The following GP2 variants were observed in gnomAD, a reference collection of about 807,000 sequenced individuals.
The protein encoded by GP2 is glycoprotein 2.
GP2 carries 58 observed loss-of-function variants against 60.8 expected under a neutral mutation model. The observed-to-expected ratio is 0.95, with a 90% CI of 0.77 to 1.19. The LOEUF (loss-of-function observed/expected upper bound fraction) is 1.19. GP2 is among the 50% of genes most tolerant of loss of function. The pLI, the probability that GP2 is intolerant of heterozygous loss-of-function variation, is 0.00. For missense variants in GP2, 647 were observed against 667.4 expected, an observed-to-expected ratio of 0.97 and a Z score of 0.34; for synonymous variants, 280 against 253.4, an observed-to-expected ratio of 1.10 and a Z score of -1.00.
intron 3 of GP2, chr16:20,323,237 G>A: frequency 1.5e-6 from 1 of 650,918 alleles, no homozygotes; most frequent in East Asian, 2.7e-5. Context: ...AAATGAGAAA[G>A]GACAGCATGG....
intron 10 of GP2, among the ~76,000 whole-genome samples, chr16:20,314,058 C>T (rs553671460): frequency 2.6e-5 from 4 of 152,098 alleles, no homozygotes; most frequent in South Asian, 4.2e-4. Context: ...GAACATCACA[C>T]ACCAGGGCCT....
At chr16:20,326,603 G>A in intron 1 of GP2, 136 bp from the exon 2 acceptor site, 1 of 699,242 alleles carries the variant, frequency 1.4e-6, no homozygotes, top group Non-Finnish European at 2.3e-6. Flanking sequence ...GCGAGATAAT[G>A]GGTGATAAAA....
intron 10 of GP2, among the ~76,000 whole-genome samples, chr16:20,312,820 T>C (rs767586393): frequency 7.2e-5 from 11 of 152,052 alleles, no homozygotes; most frequent in Non-Finnish European, 1.2e-4. Context: ...CCATCTAATT[T>C]TGTATTTTTA....
At position 20,324,152 on chromosome 16, in the gene GP2, T is replaced by C; in HGVS notation, c.199A>G (p.Thr67Ala). Reference protein sequence around the residue: ...HVCFDPCQNYTLLDEPFRSTE... With the variant: ...HVCFDPCQNYALLDEPFRSTE... ...CTTCGGAAGGGTTCATCCAGGAGGG[T>C]GTAATTCTGACAGGGGTCAAAACAG... Residue 67 changes from threonine to alanine, a missense_variant, in exon 3 of 11, where the codon ACC becomes GCC. Thr to Ala is a moderately conservative substitution (Grantham distance 58). Transcript: ENST00000302555. 6.2e-7 allele frequency: 1 copy of C among 1,613,932 alleles called. No homozygotes were observed. The highest frequency in any genetic ancestry group is 1.1e-5 in the South Asian group (1 of 91,082).
Position 20,323,562 on chromosome 16 carries a change from C to T in GP2, c.535+254G>A, listed in dbSNP as rs1313029704. The T allele has an allele frequency of 1.9e-5, 10 of 538,224 alleles. No homozygotes were observed. In the East Asian group the frequency reaches 2.3e-4, roughly 12 times the overall value. 33.3% of individuals were successfully genotyped at this position (538,224 alleles called of 1,614,324 possible). On this transcript the variant is annotated intron_variant, in intron 3 of 10. Coordinates refer to ENST00000302555, the MANE Select transcript of GP2 (RefSeq NM_001502.4). ...TAAACTTCTCAAATGGAGCCAAAATCGGAACGAGCATGAGTTCTGGATTTT... is the reference window on the plus strand; with the variant it reads ...TAAACTTCTCAAATGGAGCCAAAATTGGAACGAGCATGAGTTCTGGATTTT...
At chr16:20,326,806 G>A (rs1250433503) in intron 1 of GP2, 9 of 203,198 alleles carry the variant, frequency 4.4e-5, no homozygotes, top group East Asian at 1.4e-4. Context: ...TTATGCATTG[G>A]GTGCTGCTAA....
chr16:20,325,687 A>G (rs549391449), intron 2 of GP2, among the ~76,000 whole-genome samples: 2 of 152,318 alleles, frequency 1.3e-5, no homozygotes, highest in South Asian at 4.1e-4. Flanking sequence ...TGCTTACAAT[A>G]CACATTAAAG....
At position 20,317,235 on chromosome 16, in the gene GP2, G is replaced by A. The variant is rs779169585; in HGVS notation, c.1394C>T (p.Ser465Phe). The A allele has an allele frequency of 3.3e-5, 53 of 1,613,302 alleles. No individual in the cohort carries two copies. Among genetic ancestry groups the A allele is most frequent in the Middle Eastern group, 1.6e-4 (1 of 6,080 alleles). ...CACAGGCTGGCACTGTTCATTAAGA[G>A]AATCACAGAGATGAATCTCACAATG... is the stretch of plus-strand genomic sequence containing the variant. ...FLHCEIHLCD[S>F]LNEQCQPSCS... Residue 465 changes from serine to phenylalanine, a missense_variant, in exon 8 of 11, where the codon TCT (serine) becomes TTT (phenylalanine). Transcript: ENST00000302555.
At position 20,310,757 on chromosome 16, in the gene GP2, T is replaced by TC. The variant is rs1448982999; in HGVS notation, c.*465_*466insG. 3 of 150,986 alleles carry TC rather than the reference T, an allele frequency of 2.0e-5. No individual in the cohort carries two copies. The highest frequency in any genetic ancestry group is 4.4e-5 in the Non-Finnish European group (3 of 68,658). The allele number at this position is 150,986 out of a possible 1,614,324, so 9.4% of individuals were successfully genotyped here. A position where few individuals can be genotyped will look rare whatever the true frequency, so the allele number is the denominator to read the frequency against. ...AAACCCCACTATGTTGCTTTTCTTT[T>TC]TTTTTTTTTTTTTTCCTGAGACAGA... On this transcript the variant is annotated 3_prime_UTR_variant, in exon 11 of 11. Coordinates refer to ENST00000302555, the MANE Select transcript of GP2 (RefSeq NM_001502.4).
At chr16:20,326,802 A>G (rs543269263) in intron 1 of GP2, 292 of 208,762 alleles carry the variant, frequency 1.4e-3, no homozygotes, top group Non-Finnish European at 2.2e-3. Flanking sequence ...AGTTTTATGC[A>G]TTGGGTGCTG....
At chr16:20,324,716 A>C (rs887795819) in intron 2 of GP2, among the ~76,000 whole-genome samples, 2 of 152,256 alleles carry the variant, frequency 1.3e-5, no homozygotes, top group African/African-American at 4.8e-5. Flanking sequence ...GGCAAGTTTA[A>C]AATATATTGC....
At chr16:20,318,872 C>T (rs1310171430) in intron 6 of GP2, among the ~76,000 whole-genome samples, 3 of 152,130 alleles carry the variant, frequency 2.0e-5, no homozygotes, top group Non-Finnish European at 2.9e-5. Context: ...CATCTGGAAA[C>T]CACTGAATTA....
At position 20,324,185 on chromosome 16, in the gene GP2, C is replaced by G; in HGVS notation, c.166G>C (p.Ala56Pro). The G allele has an allele frequency of 1.2e-6, 2 of 1,613,928 alleles. No individual in the cohort carries two copies. The highest frequency in any genetic ancestry group is 1.7e-6 in the Non-Finnish European group (2 of 1,179,778). ...LDCGAPGTPEAHVCFDPCQNY... is the reference protein window; with the variant it reads ...LDCGAPGTPEPHVCFDPCQNY... ...TGACAGGGGTCAAAACAGACATGAG[C>G]CTCTGGGGTGCCAGGAGCTCCGCAG... The change falls in exon 3 of 11, where the codon GCT becomes CCT. Residue 56 changes from alanine (A) to proline (P), a missense_variant. Ala to Pro is a conservative substitution (Grantham distance 27). Coordinates refer to ENST00000302555, the MANE Select transcript of GP2 (RefSeq NM_001502.4).
At chr16:20,311,432 T>C in intron 10 of GP2, 151 bp from the exon 11 acceptor site, 1 of 607,466 alleles carries the variant, frequency 1.6e-6, no homozygotes, top group Non-Finnish European at 3.0e-6. Context: ...ACTCACATGG[T>C]AGAGGCAATC....
chr16:20,317,425 G>T (rs1438461864), intron 7 of GP2, 50 bp from the exon 8 acceptor site: 8 of 1,418,138 alleles, frequency 5.6e-6, no homozygotes, highest in Non-Finnish European at 7.9e-6. Context: ...CAGCAGTGGA[G>T]AAAATTAAAG....
rs1964103908 is a variant in GP2, at chr16:20,314,693, A to G, written c.1510T>C (p.Ser504Pro). 6.2e-7 allele frequency: 1 copy of G among 1,604,728 alleles called. No homozygotes were observed. The change falls in exon 10 of 11, where the codon TCT becomes CCT. Residue 504 changes from serine (S) to proline (P), a missense_variant. Transcript: ENST00000302555. Reference sequence around the variant, plus strand: ...GGGGTTCCATTCATGACACCGGGAGACTGTGCACCTGTGAACAAGAACAGA... The same window carrying G: ...GGGGTTCCATTCATGACACCGGGAGGCTGTGCACCTGTGAACAAGAACAGA... ...LGPITRRGAQ[S>P]PGVMNGTPST...
chr16:20,321,815 C>T (rs1164526083), intron 4 of GP2, among the ~76,000 whole-genome samples: 1 of 152,148 alleles, frequency 6.6e-6, no homozygotes, highest in Non-Finnish European at 1.5e-5. Flanking sequence ...GCCCACTGGA[C>T]ACTCATCATT....
intron 4 of GP2, 62 bp downstream of exon 4, chr16:20,322,807 A>G (rs2141607513): frequency 5.6e-6 from 5 of 898,588 alleles, no homozygotes; most frequent in Non-Finnish European, 9.3e-6. Flanking sequence ...GACCCTCTAA[A>G]GCTCCCTCCC....
rs145877543 is a variant in GP2, at chr16:20,317,660, G to C, written c.1254-285C>G. Among the ~76,000 whole-genome samples, 230 of 152,292 alleles carry C rather than the reference G, an allele frequency of 1.5e-3. 1 individual carries two copies. The highest frequency in any genetic ancestry group is 4.9e-3 in the African/African-American group (202 of 41,562). ...TTACTTTTCTTATCTGTAAAGTGGA[G>C]ACAGTAATATACACTTTATGAGACT... On this transcript the variant is annotated intron_variant, in intron 7 of 10. Coordinates refer to ENST00000302555, the MANE Select transcript of GP2 (RefSeq NM_001502.4).
Sources: allele counts gnomAD v4.1 joint callset (sites outside exome capture counted in the v4.1 genomes callset), GRCh38; gene constraint gnomAD v4.1.1; transcripts MANE v1.5; gene names NCBI Gene and HGNC (gene_info 2026-07-23, HGNC 2026-07-21).